The following MYO9A variants were observed in gnomAD, a reference collection of about 807,000 sequenced individuals.
MYO9A encodes the protein myosin IXA.
Under a neutral mutation model 293.3 loss-of-function variants are expected in MYO9A, and 103 were observed. That is an observed-to-expected ratio of 0.35 (90% CI 0.30 to 0.41). MYO9A has a LOEUF of 0.41. MYO9A is among the 10% of genes least tolerant of loss of function. The pLI is 1.00. For synonymous variants in MYO9A, 1,001 were observed against 1,035.7 expected, an observed-to-expected ratio of 0.97 and a Z score of 0.64; for missense variants, 2,685 against 3,033.0, an observed-to-expected ratio of 0.89 and a Z score of 2.69.
intron 22 of MYO9A, 89 bp downstream of exon 22, chr15:71,902,852 C>A: frequency 8.4e-6 from 9 of 1,075,204 alleles, no homozygotes; most frequent in Non-Finnish European, 6.3e-6. Context: ...GATTCACTAT[C>A]TTTTTAATAA....
Position 72,053,960 on chromosome 15 carries a change from AATTAT to A in MYO9A, c.-71-7331_-71-7327del, listed in dbSNP as rs1160164691. Among the ~76,000 whole-genome samples, 8 of 152,362 alleles carry A rather than the reference AATTAT, an allele frequency of 5.3e-5. No individual in the cohort carries two copies. In the East Asian group the frequency reaches 1.2e-3, roughly 22 times the overall value. The stretch of plus-strand genomic sequence containing the variant: ...AAGTTTTAAAGCTAAATACAACAGT[AATTAT>A]ATTATATTACATGTAAATGCTCCAG... On this transcript the variant is annotated intron_variant, in intron 1 of 41. Transcript: ENST00000356056.
At chr15:71,974,357 A>G (rs536285804) in intron 12 of MYO9A, among the ~76,000 whole-genome samples, 1 of 152,200 alleles carries the variant, frequency 6.6e-6, no homozygotes, top group Non-Finnish European at 1.5e-5. Context: ...CACATTCAAC[A>G]TGAGTGGGAC....
At chr15:72,075,876 T>C (rs1365808061) in intron 1 of MYO9A, among the ~76,000 whole-genome samples, 2 of 151,384 alleles carry the variant, frequency 1.3e-5, no homozygotes, top group Non-Finnish European at 2.9e-5. Flanking sequence ...GAATGAAGAG[T>C]ACTAGAAAAT....
At chr15:72,081,931 G>A (rs1038787151) in intron 1 of MYO9A, among the ~76,000 whole-genome samples, 4 of 151,920 alleles carry the variant, frequency 2.6e-5, no homozygotes, top group South Asian at 4.2e-4. Context: ...TTTTGTTTCC[G>A]GTAGCCCTTT....
At chr15:71,992,525 A>G (rs984891921) in intron 10 of MYO9A, among the ~76,000 whole-genome samples, 71 of 152,354 alleles carry the variant, frequency 4.7e-4, no homozygotes, top group African/African-American at 1.7e-3. Context: ...AAATTAAAAT[A>G]ATGCCCTTCA....
At chr15:72,068,298 T>A (rs1047327714) in intron 1 of MYO9A, among the ~76,000 whole-genome samples, 5 of 152,222 alleles carry the variant, frequency 3.3e-5, no homozygotes, top group Admixed American at 6.5e-5. Context: ...CTAATTTTTT[T>A]AAAAAAAGCT....
intron 33 of MYO9A, among the ~76,000 whole-genome samples, chr15:71,861,120 C>T (rs1343250322): frequency 6.6e-6 from 1 of 151,894 alleles, no homozygotes; most frequent in African/African-American, 2.4e-5. Context: ...CAAACTACTT[C>T]CTATTTTCAG....
intron 11 of MYO9A, among the ~76,000 whole-genome samples, chr15:71,980,208 T>C (rs2076238587): frequency 6.6e-6 from 1 of 152,166 alleles, no homozygotes; most frequent in Non-Finnish European, 1.5e-5. Flanking sequence ...CTTATGACCA[T>C]TTCCACACAA....
At chr15:72,050,270 C>T (rs913738358) in intron 1 of MYO9A, among the ~76,000 whole-genome samples, 7 of 152,036 alleles carry the variant, frequency 4.6e-5, no homozygotes, top group African/African-American at 1.4e-4. Flanking sequence ...CTTGCAAATC[C>T]GAGACATGAG....
intron 14 of MYO9A, chr15:71,959,095 T>C (rs1160034486): frequency 6.6e-6 from 1 of 152,184 alleles, no homozygotes; most frequent in Non-Finnish European, 1.5e-5. Flanking sequence ...CTCTTAGAAA[T>C]CACTTTGTAA....
chr15:72,043,768 T>C (rs1020991979), intron 2 of MYO9A, among the ~76,000 whole-genome samples: 1 of 152,100 alleles, frequency 6.6e-6, no homozygotes, highest in African/African-American at 2.4e-5. Context: ...TTGACTGTGG[T>C]GGTGGTTTCA....
chr15:71,871,718 T>TA (rs1169098371), intron 32 of MYO9A, among the ~76,000 whole-genome samples: 15 of 143,336 alleles, frequency 1.0e-4, no homozygotes, highest in East Asian at 4.1e-4. Context: ...AAGAAGAAAG[T>TA]AAAAAAAAAT....
chr15:71,858,793 ATG>A (rs910172017), intron 34 of MYO9A: 2 of 151,662 alleles, frequency 1.3e-5, no homozygotes, highest in African/African-American at 4.8e-5. Context: ...AACATGGCAC[ATG>A]TATACATATG....
intron 14 of MYO9A, among the ~76,000 whole-genome samples, chr15:71,956,330 A>AATTATATATATAT (rs1555490833): frequency 4.0e-5 from 3 of 75,582 alleles, no homozygotes; most frequent in Non-Finnish European, 6.9e-5. Flanking sequence ...AAAAAAAAAA[A>AATTATATATATAT]ATATATATAT....
intron 11 of MYO9A, among the ~76,000 whole-genome samples, chr15:71,990,572 A>G (rs1160666619): frequency 3.9e-5 from 6 of 151,916 alleles, no homozygotes; most frequent in Non-Finnish European, 8.8e-5. Context: ...TGGCTAACAC[A>G]GTGAAACCCC....
At chr15:71,851,064 C>G (rs1455556382) in intron 37 of MYO9A, among the ~76,000 whole-genome samples, 189 bp downstream of exon 37, 1 of 152,220 alleles carries the variant, frequency 6.6e-6, no homozygotes, top group Admixed American at 6.5e-5. Context: ...AGAAAAGCAA[C>G]TGCCATGCAT....
chr15:71,979,864 T>C (rs965659359), intron 11 of MYO9A, among the ~76,000 whole-genome samples: 1 of 152,180 alleles, frequency 6.6e-6, no homozygotes, highest in Non-Finnish European at 1.5e-5. Context: ...TCTGCTTAAG[T>C]AGGTATAGAG....
intron 12 of MYO9A, among the ~76,000 whole-genome samples, chr15:71,977,182 T>TAA (rs969691800): frequency 1.3e-5 from 2 of 152,226 alleles, no homozygotes; most frequent in Non-Finnish European, 2.9e-5. Flanking sequence ...TGTTGCCACT[T>TAA]ACACTGCACG....
intron 33 of MYO9A, among the ~76,000 whole-genome samples, chr15:71,860,444 G>T (rs1372526705): frequency 2.0e-5 from 3 of 152,208 alleles, no homozygotes; most frequent in African/African-American, 7.2e-5. Flanking sequence ...GGCAGCTGGT[G>T]AACAGGAAGA....
Sources: gnomAD v4.1 joint callset for allele counts (sites outside exome capture counted in the v4.1 genomes callset) on GRCh38, gnomAD v4.1.1 for gene constraint, MANE v1.5 for transcripts, NCBI Gene and HGNC (gene_info 2026-07-23, HGNC 2026-07-21) for gene names.